Variants in SLC22A15 observed in about 807,000 individuals in gnomAD.
The protein encoded by SLC22A15 is flipt 1.
SLC22A15 carries 45 observed loss-of-function variants against 62.7 expected under a neutral mutation model. The ratio of observed to expected loss-of-function variants is 0.72; its 90% CI spans 0.56 to 0.92. SLC22A15 has a LOEUF of 0.92. SLC22A15 is among the 40% of genes least tolerant of loss of function. SLC22A15 has a pLI of 0.00. For synonymous variants in SLC22A15, 264 were observed against 267.0 expected (o/e 0.99, Z 0.11); for missense variants, 622 against 665.6 (o/e 0.93, Z 0.72).
chr1:116,013,099 G>A (rs1387845817), intron 2 of SLC22A15, among the ~76,000 whole-genome samples: 2 of 152,136 alleles, frequency 1.3e-5, no homozygotes, highest in South Asian at 2.1e-4. Context: ...TATGATGTTC[G>A]GTAGGTTAGG....
rs1557907619 is a variant in SLC22A15 at position 116,055,198 on chromosome 1, CGCAA to C, written c.1172-7563_1172-7560del. Among the ~76,000 whole-genome samples the C allele has an allele frequency of 7.3e-5, 11 of 151,256 alleles. No individual in the cohort carries two copies. The East Asian group carries it at 1.8e-3, about 24-fold the overall frequency. On this transcript the variant is annotated intron_variant, in intron 8 of 11. Coordinates refer to ENST00000369503, the MANE Select transcript of SLC22A15 (RefSeq NM_018420.3). ...AAAAAAGAGAGAAGAATCAAATAGA[CGCAA>C]TAAAAAATGATAAAGGGGATATCAC...
intron 2 of SLC22A15, among the ~76,000 whole-genome samples, chr1:116,007,440 T>C (rs1443527958): frequency 6.6e-6 from 1 of 152,240 alleles, no homozygotes. Flanking sequence ...GCCTGCCTAC[T>C]TGTTGGAGGA....
At chr1:116,032,565 A>G in intron 6 of SLC22A15, 1 of 985,450 alleles carries the variant, frequency 1.0e-6, no homozygotes, top group Non-Finnish European at 1.2e-6. Flanking sequence ...TTTCTATATC[A>G]TATACTCTTT....
chr1:116,064,650 T>A (rs1658456458), intron 10 of SLC22A15, 142 bp downstream of exon 10: 1 of 653,152 alleles, frequency 1.5e-6, no homozygotes, highest in Non-Finnish European at 2.7e-6. Flanking sequence ...TAGATAGTAT[T>A]CCGTCAGGGC....
At chr1:116,031,975 C>T in intron 6 of SLC22A15, 1 of 1,065,456 alleles carries the variant, frequency 9.4e-7, no homozygotes, top group Non-Finnish European at 1.1e-6. Flanking sequence ...TTGGCACTGG[C>T]ATCAAGCAGT....
At chr1:116,022,668 T>C (rs1656899849) in intron 4 of SLC22A15, among the ~76,000 whole-genome samples, 1 of 152,182 alleles carries the variant, frequency 6.6e-6, no homozygotes, top group Non-Finnish European at 1.5e-5. Flanking sequence ...CTAAAGCCAG[T>C]GAAAAGAGTC....
At chr1:115,981,166 A>G (rs937278813) in intron 1 of SLC22A15, among the ~76,000 whole-genome samples, 7 of 152,192 alleles carry the variant, frequency 4.6e-5, no homozygotes, top group Non-Finnish European at 8.8e-5. Flanking sequence ...CCTCCCTGGC[A>G]TAAGCAAGTG....
intron 8 of SLC22A15, among the ~76,000 whole-genome samples, chr1:116,047,061 T>A (rs917533718): frequency 6.6e-6 from 1 of 152,130 alleles, no homozygotes; most frequent in African/African-American, 2.4e-5. Context: ...CTCTCCATAC[T>A]ACCATAGCTG....
chr1:116,028,669 ATTTAC>A (rs2101411158), intron 5 of SLC22A15, among the ~76,000 whole-genome samples: 1 of 151,570 alleles, frequency 6.6e-6, no homozygotes, highest in African/African-American at 2.4e-5. Flanking sequence ...AGATTTAAAT[ATTTAC>A]TTATTCCACT....
chr1:116,001,899 C>T (rs542319068), intron 2 of SLC22A15, among the ~76,000 whole-genome samples: 1 of 152,110 alleles, frequency 6.6e-6, no homozygotes, highest in South Asian at 2.1e-4. Context: ...TGTGGATGTT[C>T]GTCAATGCCT....
chr1:116,017,368 C>CAAAAAAAAAAA (rs558402209), intron 2 of SLC22A15: 1 of 84,878 alleles, frequency 1.2e-5, no homozygotes, highest in African/African-American at 4.2e-5. Flanking sequence ...GAAACCCTGC[C>CAAAAAAAAAAA]AAAAAAAAAA....
chr1:115,994,718 C>T (rs1341329791), intron 2 of SLC22A15, among the ~76,000 whole-genome samples: 1 of 152,096 alleles, frequency 6.6e-6, no homozygotes, highest in Admixed American at 6.6e-5. Flanking sequence ...CTTTTATGCC[C>T]AGATACTTCA....
chr1:115,992,322 T>G, intron 2 of SLC22A15, 79 bp downstream of exon 2: 2 of 1,206,380 alleles, frequency 1.7e-6, no homozygotes, highest in Non-Finnish European at 2.3e-6. Context: ...CTTGCTGATT[T>G]AAATATCAGC....
intron 4 of SLC22A15, among the ~76,000 whole-genome samples, chr1:116,025,021 A>T (rs111471254): frequency 2.2e-3 from 338 of 152,278 alleles, no homozygotes; most frequent in Non-Finnish European, 3.6e-3. Context: ...AGGTTAATAA[A>T]TAGAAGGGCT....
At chr1:116,000,964 G>A (rs1655703271) in intron 2 of SLC22A15, among the ~76,000 whole-genome samples, 1 of 152,098 alleles carries the variant, frequency 6.6e-6, no homozygotes. Context: ...GCTCATTAAT[G>A]TCCTTTTTTT....
chr1:116,022,220 C>G (rs1019190959), intron 4 of SLC22A15, among the ~76,000 whole-genome samples: 1 of 152,164 alleles, frequency 6.6e-6, no homozygotes, highest in Admixed American at 6.5e-5. Flanking sequence ...ACTTCGAAAG[C>G]CTTTTTGGAA....
In SLC22A15 at chr1:116,031,548, T is replaced by C. The variant is rs1334924843; in HGVS notation, c.911T>C (p.Leu304Pro). 7 of 1,613,860 alleles carry C rather than the reference T, an allele frequency of 4.3e-6. No individual in the cohort carries two copies. Among genetic ancestry groups the C allele is most frequent in the Non-Finnish European group, 5.9e-6 (7 of 1,179,870 alleles). ...SFLDLFRYRV[L>P]LGHTLILMFI... Reference sequence around the variant, plus strand: ...CTGGATCTCTTTCGTTACCGGGTCCTGTTAGGACACACTTTGATCCTGATG... The same window carrying C: ...CTGGATCTCTTTCGTTACCGGGTCCCGTTAGGACACACTTTGATCCTGATG... The change falls in exon 6 of 12, where the codon CTG (leucine) becomes CCG (proline). Residue 304 changes from leucine to proline, a missense_variant. Physicochemically the swap from Leu to Pro is moderately conservative, Grantham distance 98. Transcript: ENST00000369503.
intron 1 of SLC22A15, among the ~76,000 whole-genome samples, chr1:115,987,164 A>ATTTTTT (rs1157832035): frequency 7.2e-6 from 1 of 137,986 alleles, no homozygotes; most frequent in Non-Finnish European, 1.6e-5. Context: ...ATGTAGATAG[A>ATTTTTT]TTTTTTTTTT....
chr1:116,056,587 C>T (rs1299495375), intron 8 of SLC22A15, among the ~76,000 whole-genome samples: 6 of 151,544 alleles, frequency 4.0e-5, no homozygotes, highest in African/African-American at 1.5e-4. Context: ...AAAAAGAGCC[C>T]ACATCGCCAA....
Sources: gnomAD v4.1 joint callset for allele counts (sites outside exome capture counted in the v4.1 genomes callset) on GRCh38, gnomAD v4.1.1 for gene constraint, MANE v1.5 for transcripts, NCBI Gene and HGNC (gene_info 2026-07-23, HGNC 2026-07-21) for gene names.